Variants in ACER3 observed in about 807,000 individuals in gnomAD.
ACER3 encodes alkaline ceramidase 3, also known as alkCDase 3.
Under a neutral mutation model 48.9 loss-of-function variants are expected in ACER3, and 16 were observed. The ratio of observed to expected loss-of-function variants is 0.33; its 90% CI spans 0.22 to 0.50. The LOEUF is 0.50. Ranked by LOEUF, ACER3 falls within the 20% of genes least tolerant of loss-of-function variation. ACER3 has a pLI of 0.98. For synonymous variants in ACER3, 109 were observed against 107.8 expected (o/e 1.01, Z -0.07); for missense variants, 227 against 326.0 (o/e 0.70, Z 2.34).
chr11:76,963,298 A>G (rs1315269839), intron 3 of ACER3, among the ~76,000 whole-genome samples: 1 of 121,026 alleles, frequency 8.3e-6, no homozygotes, highest in Non-Finnish European at 1.9e-5. Flanking sequence ...CCACAACTAC[A>G]TAAAGGGAAG....
At chr11:76,979,206 C>T (rs7940782) in intron 4 of ACER3, among the ~76,000 whole-genome samples, 108,157 of 152,148 alleles carry the variant, frequency 0.71, 38,839 homozygotes, top group Non-Finnish European at 0.77. Context: ...AGCCACAATT[C>T]AAAGCAGTTC....
At position 77,024,649 on chromosome 11, in the gene ACER3, C is replaced by T. The variant is rs914540775; in HGVS notation, c.*4322C>T. On this transcript the variant is annotated 3_prime_UTR_variant, in exon 11 of 11. Coordinates refer to ENST00000532485, the MANE Select transcript of ACER3 (RefSeq NM_018367.7). ...AGACAGATCATTCAAGAACTTAAGTCGTTTGTTAGCTACAGCATTTCCATT... is the reference window on the plus strand; with the variant it reads ...AGACAGATCATTCAAGAACTTAAGTTGTTTGTTAGCTACAGCATTTCCATT... The T allele has an allele frequency of 1.3e-5, 2 of 152,158 alleles. No homozygotes were observed. The highest frequency in any genetic ancestry group is 1.3e-4 in the Admixed American group (2 of 15,282). 9.4% of individuals were successfully genotyped at this position (152,158 alleles called of 1,614,324 possible).
chr11:76,994,377 G>A (rs1435571934), intron 6 of ACER3, among the ~76,000 whole-genome samples: 2 of 152,142 alleles, frequency 1.3e-5, no homozygotes, highest in African/African-American at 4.8e-5. Context: ...TGATCTGCCC[G>A]CCTTGGCCTC....
chr11:76,904,028 C>T (rs1290416321), intron 1 of ACER3, among the ~76,000 whole-genome samples: 2 of 152,074 alleles, frequency 1.3e-5, no homozygotes, highest in Non-Finnish European at 2.9e-5. Context: ...GCTCTGTCAC[C>T]CAGGTTGGAG....
At chr11:76,874,199 T>G (rs1378446683) in intron 1 of ACER3, among the ~76,000 whole-genome samples, 1 of 152,196 alleles carries the variant, frequency 6.6e-6, no homozygotes, top group African/African-American at 2.4e-5. Context: ...GATTCCTATC[T>G]GGACTTCACT....
chr11:77,008,144 C>T (rs2135299114), intron 7 of ACER3, among the ~76,000 whole-genome samples: 1 of 152,286 alleles, frequency 6.6e-6, no homozygotes, highest in Admixed American at 6.5e-5. Flanking sequence ...CCTAGTTAGT[C>T]TGCTTCTTCT....
intron 6 of ACER3, among the ~76,000 whole-genome samples, chr11:76,997,805 T>C (rs1948946869): frequency 6.6e-6 from 1 of 152,118 alleles, no homozygotes; most frequent in South Asian, 2.1e-4. Context: ...GCCACTGCAC[T>C]CCAGCCTAGA....
chr11:76,904,862 T>A (rs1017792841), intron 1 of ACER3, among the ~76,000 whole-genome samples: 5 of 151,814 alleles, frequency 3.3e-5, no homozygotes, highest in Non-Finnish European at 7.4e-5. Flanking sequence ...TGTGTGTGTG[T>A]GTGTGTTTGA....
At chr11:77,006,136 CTG>C (rs1555020998) in intron 7 of ACER3, among the ~76,000 whole-genome samples, 2 of 150,662 alleles carry the variant, frequency 1.3e-5, no homozygotes, top group African/African-American at 4.9e-5. Flanking sequence ...ATTACAGGCG[CTG>C]CCTCCATGCC....
intron 1 of ACER3, among the ~76,000 whole-genome samples, chr11:76,919,646 A>G (rs540065150): frequency 6.6e-6 from 1 of 152,202 alleles, no homozygotes; most frequent in East Asian, 1.9e-4. Flanking sequence ...CAGAACAGAA[A>G]TTTTTTAATT....
Position 76,945,384 on chromosome 11 carries a change from A to G in ACER3, c.215-13595A>G, listed in dbSNP as rs143746902. On this transcript the variant is annotated intron_variant, in intron 2 of 10. Transcript: ENST00000532485. The stretch of plus-strand genomic sequence containing the variant: ...TGCAGGGCAGAATTTTTTCCTGAAG[A>G]TAGATATATGTTGTTGGTTGAATAG... Among the ~76,000 whole-genome samples, 718 of 152,128 alleles carry G rather than the reference A, an allele frequency of 4.7e-3. 8 individuals are homozygous for G. Among genetic ancestry groups the G allele is most frequent in the African/African-American group, 0.016 (675 of 41,478 alleles).
rs2135345175 is a variant in ACER3 at position 77,021,390 on chromosome 11, C to T, written c.*1063C>T. 1 of 152,254 alleles carries T rather than the reference C, an allele frequency of 6.6e-6. No homozygotes were observed. Among genetic ancestry groups the T allele is most frequent in the African/African-American group, 2.4e-5 (1 of 41,552 alleles). 9.4% of individuals were successfully genotyped at this position (152,254 alleles called of 1,614,324 possible). ...GATGTAAGTTTCTGCTACTTGAAAC[C>T]TACAGAACCGACAAAAATTAGGGTG... is the stretch of plus-strand genomic sequence containing the variant. On this transcript the variant is annotated 3_prime_UTR_variant, in exon 11 of 11. Transcript: ENST00000532485.
chr11:76,927,021 T>G (rs1232853304), intron 2 of ACER3, among the ~76,000 whole-genome samples: 1 of 152,130 alleles, frequency 6.6e-6, no homozygotes, highest in African/African-American at 2.4e-5. Flanking sequence ...TCCTTTGTAT[T>G]CCTCCCTGAT....
In ACER3 at chr11:76,860,938, C is replaced by G. The variant is rs945446013; in HGVS notation, c.-39C>G. 8 of 1,458,096 alleles carry G rather than the reference C, an allele frequency of 5.5e-6. No homozygotes were observed. Among genetic ancestry groups the G allele is most frequent in the Middle Eastern group, 2.4e-4 (1 of 4,184 alleles). 90.3% of individuals were successfully genotyped at this position (1,458,096 alleles called of 1,614,324 possible). A position where few individuals can be genotyped will look rare whatever the true frequency, so the allele number is the denominator to read the frequency against. ...GCCTGGTCGCCAGCCTAACCCGGCA[C>G]AGTGAGCGGAGCGCCTGGGCGGCGG... is the stretch of plus-strand genomic sequence containing the variant. On this transcript the variant is annotated 5_prime_UTR_variant, in exon 1 of 11. Transcript: ENST00000532485.
intron 1 of ACER3, among the ~76,000 whole-genome samples, chr11:76,863,265 G>A (rs1565147044): frequency 6.6e-6 from 1 of 152,054 alleles, no homozygotes. Flanking sequence ...GAAAACTGGC[G>A]GTAAGTCATG....
intron 1 of ACER3, among the ~76,000 whole-genome samples, chr11:76,867,348 A>G (rs900115064): frequency 2.6e-5 from 4 of 151,968 alleles, no homozygotes; most frequent in Non-Finnish European, 4.4e-5. Flanking sequence ...ATGTGCCTGT[A>G]GTCCCAGCTG....
intron 1 of ACER3, among the ~76,000 whole-genome samples, chr11:76,910,318 G>A (rs1440392634): frequency 6.6e-6 from 1 of 151,968 alleles, no homozygotes; most frequent in African/African-American, 2.4e-5. Flanking sequence ...TTACTTAAGA[G>A]TAACTATTTC....
chr11:76,967,228 G>A (rs898644633), intron 3 of ACER3, among the ~76,000 whole-genome samples: 30 of 152,066 alleles, frequency 2.0e-4, no homozygotes, highest in Admixed American at 1.6e-3. Flanking sequence ...TAAATTCCTT[G>A]ACACATACAC....
intron 1 of ACER3, among the ~76,000 whole-genome samples, chr11:76,879,144 G>A (rs1408920499): frequency 1.3e-5 from 2 of 151,950 alleles, no homozygotes; most frequent in African/African-American, 4.8e-5. Flanking sequence ...TTTTTGATGA[G>A]AAGTAGTACA....
Sources: allele counts gnomAD v4.1 joint callset (sites outside exome capture counted in the v4.1 genomes callset), GRCh38; gene constraint gnomAD v4.1.1; transcripts MANE v1.5; gene names NCBI Gene and HGNC (gene_info 2026-07-23, HGNC 2026-07-21).